DLC1: variants seen among roughly 807,000 people sequenced by gnomAD.
The protein encoded by DLC1 is DLC1 Rho GTPase activating protein.
In DLC1, 54 loss-of-function variants were observed where a neutral mutation model predicts 140.3. The observed-to-expected ratio is 0.38, with a 90% CI of 0.31 to 0.48. The LOEUF (loss-of-function observed/expected upper bound fraction) is 0.48, where lower values mean the gene tolerates loss of function less well. DLC1 is among the 20% of genes least tolerant of loss of function. The probability of loss-of-function intolerance (pLI) is 0.96; values close to 1 mark genes in which losing one functional copy is unlikely to be tolerated. For missense variants in DLC1, 2,536 were observed against 1,907.0 expected, an observed-to-expected ratio of 1.33 and a Z score of -6.14; for synonymous variants, 986 against 728.1, an observed-to-expected ratio of 1.35 and a Z score of -5.70.
At chr8:13,320,088 G>C (rs970640240) in intron 4 of DLC1, among the ~76,000 whole-genome samples, 2 of 152,058 alleles carry the variant, frequency 1.3e-5, no homozygotes, top group Non-Finnish European at 2.9e-5. Context: ...TGGGATTATA[G>C]GTGTGGGCCA....
At chr8:13,248,979 C>T (rs1044075344) in intron 5 of DLC1, among the ~76,000 whole-genome samples, 8 of 152,152 alleles carry the variant, frequency 5.3e-5, no homozygotes, top group African/African-American at 1.9e-4. Context: ...TCATTTACTC[C>T]CTAACCTCAG....
intron 2 of DLC1, among the ~76,000 whole-genome samples, chr8:13,431,482 CAAAAAAAAAAA>C (rs56057254): frequency 1.4e-3 from 58 of 40,604 alleles, no homozygotes; most frequent in African/African-American, 6.5e-3. Flanking sequence ...GACTCCGTCT[CAAAAAAAAAAA>C]AAAAAAAAAA....
intron 1 of DLC1, among the ~76,000 whole-genome samples, chr8:13,587,632 CTA>C (rs527758286): frequency 3.6e-5 from 5 of 138,432 alleles, no homozygotes; most frequent in South Asian, 4.5e-4. Context: ...TATACATTGC[CTA>C]TATATATATG....
At chr8:13,553,293 C>T (rs1182750004) in intron 1 of DLC1, among the ~76,000 whole-genome samples, 1 of 134,480 alleles carries the variant, frequency 7.4e-6, no homozygotes, top group Non-Finnish European at 1.5e-5. Context: ...ACTTTCTGTG[C>T]TCCTATATAA....
chr8:13,396,265 T>C (rs1383144599), intron 3 of DLC1, among the ~76,000 whole-genome samples: 1 of 151,994 alleles, frequency 6.6e-6, no homozygotes, highest in Non-Finnish European at 1.5e-5. Context: ...TTCATCGTAT[T>C]AGCCAGGATG....
At chr8:13,600,679 A>T (rs1216812865) in intron 1 of DLC1, among the ~76,000 whole-genome samples, 3 of 151,904 alleles carry the variant, frequency 2.0e-5, no homozygotes, top group African/African-American at 7.2e-5. Flanking sequence ...GATGCCTTTC[A>T]AAATCTTGGT....
chr8:13,180,345 G>A (rs1825964500), intron 5 of DLC1, among the ~76,000 whole-genome samples: 1 of 152,066 alleles, frequency 6.6e-6, no homozygotes, highest in South Asian at 2.1e-4. Context: ...TTTTGTGTGT[G>A]TCACACAGCA....
chr8:13,546,881 A>G (rs1803665979), intron 1 of DLC1, among the ~76,000 whole-genome samples: 1 of 152,104 alleles, frequency 6.6e-6, no homozygotes, highest in African/African-American at 2.4e-5. Context: ...AAACAATCCT[A>G]CATTTCCTGA....
At position 13,099,643 on chromosome 8, in the gene DLC1, C is replaced by T. The variant is rs1818831563; in HGVS notation, c.2694G>A (p.Glu898=). Residue 898 remains glutamate (E), a synonymous_variant, in exon 9 of 18, where the codon GAG becomes GAA. Coordinates refer to ENST00000276297, the MANE Select transcript of DLC1 (RefSeq NM_182643.3). ...CCAGCTCGGGGAAGATGTCCTCGTT[C>T]TCCAGATCCGCCAGGTCCCCTGAAC... ...YSSSGDLADL[E]NEDIFPELDD... The T allele has an allele frequency of 3.1e-6, 5 of 1,614,216 alleles. No individual in the cohort carries two copies. Among genetic ancestry groups the T allele is most frequent in the Non-Finnish European group, 4.2e-6 (5 of 1,180,034 alleles).
At chr8:13,400,252 C>T (rs907164483) in intron 3 of DLC1, among the ~76,000 whole-genome samples, 1 of 152,086 alleles carries the variant, frequency 6.6e-6, no homozygotes, top group Non-Finnish European at 1.5e-5. Flanking sequence ...GGAGAACTGA[C>T]CATCACTAAA....
intron 5 of DLC1, among the ~76,000 whole-genome samples, chr8:13,168,276 A>G (rs1022347935): frequency 1.3e-5 from 2 of 152,232 alleles, no homozygotes; most frequent in Admixed American, 6.5e-5. Context: ...TATTGGCTGG[A>G]TTCTCAAAAT....
intron 4 of DLC1, among the ~76,000 whole-genome samples, chr8:13,373,556 C>T (rs934036955): frequency 1.1e-4 from 17 of 152,056 alleles, no homozygotes; most frequent in African/African-American, 2.9e-4. Flanking sequence ...TGATTCAGCC[C>T]AATAAACAGT....
chr8:13,303,572 C>T (rs1832293981), intron 5 of DLC1, among the ~76,000 whole-genome samples: 2 of 152,066 alleles, frequency 1.3e-5, no homozygotes, highest in Admixed American at 6.6e-5. Flanking sequence ...GAGGCCGAGG[C>T]GGGCGGATCA....
intron 5 of DLC1, among the ~76,000 whole-genome samples, chr8:13,129,025 C>G (rs1394035111): frequency 6.7e-6 from 1 of 148,996 alleles, no homozygotes; most frequent in African/African-American, 2.5e-5. Context: ...CATGGTAATC[C>G]CTAATAACAC....
intron 5 of DLC1, among the ~76,000 whole-genome samples, chr8:13,188,405 G>C (rs765360009): frequency 5.3e-5 from 5 of 94,960 alleles, no homozygotes; most frequent in Non-Finnish European, 7.6e-5. Flanking sequence ...GGGTGACAGA[G>C]CAAGACTCCG....
At chr8:13,551,736 C>A (rs1167884055) in intron 1 of DLC1, among the ~76,000 whole-genome samples, 3 of 151,406 alleles carry the variant, frequency 2.0e-5, no homozygotes, top group Non-Finnish European at 4.4e-5. Context: ...GTAGTTATAT[C>A]TATCAAACAT....
intron 5 of DLC1, among the ~76,000 whole-genome samples, chr8:13,176,227 A>C (rs1308169091): frequency 2.0e-5 from 3 of 152,180 alleles, no homozygotes; most frequent in African/African-American, 7.2e-5. Context: ...TCTAGGGAAA[A>C]GAAATGAAAT....
Position 13,301,266 on chromosome 8 carries a change from C to T in DLC1, c.1348+4003G>A, listed in dbSNP as rs995373612. On this transcript the variant is annotated intron_variant, in intron 5 of 17. Coordinates refer to ENST00000276297, the MANE Select transcript of DLC1 (RefSeq NM_182643.3). ...TAAAGGGAGGTTAAAATGTGATCAC[C>T]TCTGTCTATATTGTGACAATCTTTG... Among the ~76,000 whole-genome samples, 3 of 151,702 alleles carry T rather than the reference C, an allele frequency of 2.0e-5. No individual in the cohort carries two copies. In the South Asian group the frequency reaches 6.3e-4, roughly 32 times the overall value.
At chr8:13,409,856 A>G (rs559893460) in intron 2 of DLC1, among the ~76,000 whole-genome samples, 2 of 152,152 alleles carry the variant, frequency 1.3e-5, no homozygotes, top group African/African-American at 4.8e-5. Context: ...GCTAAGGTTC[A>G]TGTAGAATTT....
Sources: allele counts gnomAD v4.1 joint callset (sites outside exome capture counted in the v4.1 genomes callset), GRCh38; gene constraint gnomAD v4.1.1; transcripts MANE v1.5; gene names NCBI Gene and HGNC (gene_info 2026-07-23, HGNC 2026-07-21).